The following INPP4B variants were observed in gnomAD, a reference collection of about 807,000 sequenced individuals.
INPP4B encodes inositol polyphosphate 4-phosphatase type II.
Under a neutral mutation model 122.5 loss-of-function variants are expected in INPP4B, and 55 were observed. That is an observed-to-expected ratio of 0.45 (90% CI 0.36 to 0.56). INPP4B has a LOEUF of 0.56. Ranked by LOEUF, INPP4B falls within the 20% of genes least tolerant of loss-of-function variation. INPP4B has a pLI of 0.00. For synonymous variants in INPP4B, 403 were observed against 388.7 expected (o/e 1.04, Z -0.43); for missense variants, 1,000 against 1,097.7 (o/e 0.91, Z 1.26).
At chr4:142,593,871 TACAC>T (rs529160360) in intron 2 of INPP4B, among the ~76,000 whole-genome samples, 8 of 149,636 alleles carry the variant, frequency 5.3e-5, no homozygotes, top group Admixed American at 2.7e-4. Flanking sequence ...TCAGCATAAA[TACAC>T]ACACACACAC....
At chr4:142,591,444 A>G (rs753510293) in intron 2 of INPP4B, among the ~76,000 whole-genome samples, 1 of 152,200 alleles carries the variant, frequency 6.6e-6, no homozygotes, top group Non-Finnish European at 1.5e-5. Flanking sequence ...ATAACCTAAC[A>G]TCCATACTGA....
chr4:142,545,551 G>A (rs1035964125), intron 2 of INPP4B, among the ~76,000 whole-genome samples: 11 of 151,898 alleles, frequency 7.2e-5, no homozygotes, highest in African/African-American at 2.2e-4. Flanking sequence ...TACCAAAAAG[G>A]TAAGTTCTTA....
intron 15 of INPP4B, among the ~76,000 whole-genome samples, chr4:142,175,140 T>G (rs1319869392): frequency 6.6e-6 from 1 of 152,128 alleles, no homozygotes; most frequent in African/African-American, 2.4e-5. Context: ...TATACCCAAA[T>G]GTCAAGACAT....
At chr4:142,627,402 CTCT>C (rs1478350242) in intron 2 of INPP4B, among the ~76,000 whole-genome samples, 2 of 145,728 alleles carry the variant, frequency 1.4e-5, no homozygotes, top group African/African-American at 5.2e-5. Context: ...TCATAGATAG[CTCT>C]TATTATTTTG....
In INPP4B at chr4:142,271,624, T is replaced by TA. The variant is rs1561700299; in HGVS notation, c.504-851_504-850insT. Among the ~76,000 whole-genome samples, 11 of 152,314 alleles carry TA rather than the reference T, an allele frequency of 7.2e-5. No individual in the cohort carries two copies. In the East Asian group the frequency reaches 2.1e-3, roughly 29 times the overall value. ...TTCTCTCCTAGCAAACATAAGAACA[T>TA]GTAAAGCAGAACATAACCCAAAGCT... On this transcript the variant is annotated intron_variant, in intron 9 of 25. Transcript: ENST00000262992.
intron 1 of INPP4B, among the ~76,000 whole-genome samples, chr4:142,740,656 C>G (rs1767768404): frequency 6.6e-6 from 1 of 151,612 alleles, no homozygotes; most frequent in Non-Finnish European, 1.5e-5. Context: ...TTGGAGTTTA[C>G]AACACTCAAA....
intron 12 of INPP4B, among the ~76,000 whole-genome samples, chr4:142,216,192 A>C (rs1018001585): frequency 6.6e-6 from 1 of 152,126 alleles, no homozygotes; most frequent in East Asian, 1.9e-4. Flanking sequence ...TGCTAAACAC[A>C]TACAATCTCA....
At chr4:142,211,430 C>T (rs1844849291) in intron 12 of INPP4B, among the ~76,000 whole-genome samples, 1 of 152,090 alleles carries the variant, frequency 6.6e-6, no homozygotes, top group East Asian at 1.9e-4. Context: ...CAAAAAACCT[C>T]CTAGATTAAA....
chr4:142,126,348 G>A (rs1798613781), intron 18 of INPP4B, among the ~76,000 whole-genome samples: 3 of 151,980 alleles, frequency 2.0e-5, no homozygotes, highest in African/African-American at 7.2e-5. Context: ...GAGTGACAGA[G>A]AATAATAAAA....
chr4:142,383,137 A>G (rs1353423325), intron 7 of INPP4B, among the ~76,000 whole-genome samples: 1 of 152,140 alleles, frequency 6.6e-6, no homozygotes, highest in Admixed American at 6.6e-5. Context: ...TGAATTAAAC[A>G]TTACTTGGTC....
At chr4:142,661,309 A>G (rs939123956) in intron 2 of INPP4B, among the ~76,000 whole-genome samples, 1 of 152,222 alleles carries the variant, frequency 6.6e-6, no homozygotes, top group Non-Finnish European at 1.5e-5. Context: ...AAGAACATAA[A>G]AACATATGGG....
At chr4:142,072,809 T>A (rs774387584) in intron 25 of INPP4B, among the ~76,000 whole-genome samples, 16 of 152,098 alleles carry the variant, frequency 1.1e-4, no homozygotes, top group Non-Finnish European at 2.2e-4. Context: ...CTGGTGAAAT[T>A]ATCACTACAA....
intron 11 of INPP4B, among the ~76,000 whole-genome samples, chr4:142,245,389 T>C (rs1233958079): frequency 1.3e-5 from 2 of 152,202 alleles, no homozygotes; most frequent in African/African-American, 2.4e-5. Flanking sequence ...GTTAACTTTT[T>C]GAATAAGTTG....
intron 25 of INPP4B, among the ~76,000 whole-genome samples, chr4:142,079,561 C>T (rs10519618): frequency 0.14 from 21,126 of 151,772 alleles, 1,798 homozygotes; most frequent in East Asian, 0.24. Flanking sequence ...GTTGTATGTG[C>T]GGTAGGAAAT....
chr4:142,442,938 A>T (rs1812136860), intron 3 of INPP4B, among the ~76,000 whole-genome samples: 1 of 152,150 alleles, frequency 6.6e-6, no homozygotes, highest in Non-Finnish European at 1.5e-5. Flanking sequence ...GGCAAGGGAG[A>T]GCTTGTGCAG....
intron 2 of INPP4B, among the ~76,000 whole-genome samples, chr4:142,536,943 C>T (rs1316917792): frequency 2.0e-5 from 3 of 151,988 alleles, no homozygotes; most frequent in East Asian, 1.9e-4. Context: ...GCTACAGGCA[C>T]GTGCTAGCAT....
chr4:142,245,543 T>A (rs1268572994), intron 11 of INPP4B, among the ~76,000 whole-genome samples: 1 of 152,022 alleles, frequency 6.6e-6, no homozygotes, highest in African/African-American at 2.4e-5. Flanking sequence ...TGGCCTGAAA[T>A]TTTCTTTTTT....
chr4:142,415,504 C>G (rs971522790), intron 5 of INPP4B, among the ~76,000 whole-genome samples: 1 of 152,030 alleles, frequency 6.6e-6, no homozygotes, highest in Non-Finnish European at 1.5e-5. Context: ...CAGGAAACAA[C>G]AGGTGCTGGA....
chr4:142,590,622 C>T (rs555465190), intron 2 of INPP4B, among the ~76,000 whole-genome samples: 1 of 151,962 alleles, frequency 6.6e-6, no homozygotes, highest in East Asian at 1.9e-4. Context: ...GGCTAGAATG[C>T]TCATCTGTTA....
Sources: allele counts gnomAD v4.1 joint callset (sites outside exome capture counted in the v4.1 genomes callset), GRCh38; gene constraint gnomAD v4.1.1; transcripts MANE v1.5; gene names NCBI Gene and HGNC (gene_info 2026-07-23, HGNC 2026-07-21).